The following UBE3B variants were observed in gnomAD, a reference collection of about 807,000 sequenced individuals.
UBE3B encodes ubiquitin-protein ligase E3B.
A neutral mutation model predicts 132.3 loss-of-function variants in UBE3B; 80 were observed. That is an observed-to-expected ratio of 0.60 (90% confidence interval 0.50 to 0.73). The LOEUF (loss-of-function observed/expected upper bound fraction) is 0.73, where lower values mean the gene tolerates loss of function less well. Among genes scored for constraint, UBE3B ranks in the 30% least tolerant of loss-of-function variants. The pLI, the probability that UBE3B is intolerant of heterozygous loss-of-function variation, is 0.00. For synonymous variants in UBE3B, 487 were observed against 520.4 expected, an observed-to-expected ratio of 0.94 and a Z score of 0.87; for missense variants, 1,196 against 1,362.5, an observed-to-expected ratio of 0.88 and a Z score of 1.92.
Position 109,534,458 on chromosome 12 carries a change from A to G in UBE3B, c.3016-133A>G, listed in dbSNP as rs1231413383. On this transcript the variant is annotated intron_variant, in intron 27 of 27. Coordinates refer to ENST00000342494, the MANE Select transcript of UBE3B (RefSeq NM_130466.4). This position sits in a 1 kb window ranked among gnomAD's most constrained non-coding sequence, Gnocchi z 5.2. The stretch of plus-strand genomic sequence containing the variant: ...GGGCTTGACCTCGGGTAGTGGTGCC[A>G]GGGCAGCGCCCTGCACTCTGCCCAG... The G allele has an allele frequency of 1.4e-6, 2 of 1,443,832 alleles. No homozygotes were observed. Among genetic ancestry groups the G allele is most frequent in the Non-Finnish European group, 1.8e-6 (2 of 1,101,024 alleles). The allele number at this position is 1,443,832 out of a possible 1,614,324, so 89.4% of individuals were successfully genotyped here. A position where few individuals can be genotyped will look rare whatever the true frequency, so the allele number is the denominator to read the frequency against.
Position 109,530,246 on chromosome 12 carries a change from A to C in UBE3B, c.2810+174A>C, listed in dbSNP as rs111785749. ...AAAGCTTGACCACTTGTCTGCCTAGAGATTAAGAAGTGGAAGCAGGCCTGA... is the reference window on the plus strand; with the variant it reads ...AAAGCTTGACCACTTGTCTGCCTAGCGATTAAGAAGTGGAAGCAGGCCTGA... On this transcript the variant is annotated intron_variant, in intron 25 of 27. Coordinates refer to ENST00000342494, the MANE Select transcript of UBE3B (RefSeq NM_130466.4). Among the ~76,000 whole-genome samples the C allele has an allele frequency of 4.5e-3, 686 of 152,256 alleles. 3 individuals are homozygous for C. Among genetic ancestry groups the C allele is most frequent in the Non-Finnish European group, 7.9e-3 (536 of 68,014 alleles).
chr12:109,501,033 C>G (rs1878914651), intron 12 of UBE3B, among the ~76,000 whole-genome samples: 1 of 152,126 alleles, frequency 6.6e-6, no homozygotes, highest in African/African-American at 2.4e-5. Flanking sequence ...TTTGGCCCCC[C>G]ACCACCTGCA....
intron 27 of UBE3B, 99 bp downstream of exon 27, chr12:109,533,657 C>A: frequency 2.5e-6 from 3 of 1,208,360 alleles, no homozygotes; most frequent in Non-Finnish European, 2.4e-6. Flanking sequence ...CATATCTCAG[C>A]AAGGCAGGCA....
chr12:109,524,674 C>T (rs1024124417), intron 23 of UBE3B, among the ~76,000 whole-genome samples, 171 bp downstream of exon 23: 6 of 152,170 alleles, frequency 3.9e-5, no homozygotes, highest in Non-Finnish European at 8.8e-5. Flanking sequence ...GGAGGGCCCC[C>T]TCCTTTCCTT....
At chr12:109,503,487 A>G (rs534917122) in intron 14 of UBE3B, among the ~76,000 whole-genome samples, 1 of 147,112 alleles carries the variant, frequency 6.8e-6, no homozygotes, top group East Asian at 2.0e-4. Context: ...ATAGGGTTGC[A>G]AAAAAAAAAG....
At chr12:109,540,519 A>G (rs1198648805), downstream of UBE3B, among the ~76,000 whole-genome samples, 2 of 152,110 alleles carry the variant, frequency 1.3e-5, no homozygotes, top group Non-Finnish European at 2.9e-5. Context: ...CGGGCCCCCT[A>G]TGTGCAGGGT....
intron 14 of UBE3B, among the ~76,000 whole-genome samples, chr12:109,505,334 G>A (rs920943905): frequency 2.0e-5 from 3 of 152,250 alleles, no homozygotes; most frequent in African/African-American, 7.2e-5. Context: ...GCTCTGCCAG[G>A]CCCAGTGTCT....
At chr12:109,498,986 C>T (rs566126428) in intron 11 of UBE3B, among the ~76,000 whole-genome samples, 3 of 151,966 alleles carry the variant, frequency 2.0e-5, no homozygotes, top group East Asian at 3.9e-4. Flanking sequence ...CTACCACGGC[C>T]GACTAATTTT....
intron 22 of UBE3B, 83 bp downstream of exon 22, chr12:109,524,198 C>T: frequency 6.4e-7 from 1 of 1,573,032 alleles, no homozygotes; most frequent in Non-Finnish European, 8.7e-7. Context: ...GATGGCCTGT[C>T]CTCTCTTATT....
chr12:109,506,727 T>C (rs1879738973), intron 14 of UBE3B, among the ~76,000 whole-genome samples: 1 of 152,242 alleles, frequency 6.6e-6, no homozygotes, highest in African/African-American at 2.4e-5. Flanking sequence ...TGTAACAGTG[T>C]TAGACTAAAT....
At chr12:109,502,564 A>G (rs1006630430) in intron 13 of UBE3B, among the ~76,000 whole-genome samples, 5 of 152,214 alleles carry the variant, frequency 3.3e-5, no homozygotes, top group African/African-American at 1.2e-4. Context: ...CAGGATATCA[A>G]TGGGAAGGTT....
Position 109,511,272 on chromosome 12 carries a change from A to G in UBE3B, c.1925A>G (p.Gln642Arg), listed in dbSNP as rs1880338752. The change falls in exon 18 of 28, where the codon CAG (glutamine) becomes CGG (arginine). Residue 642 changes from glutamine (Q) to arginine (R), a missense_variant. Transcript: ENST00000342494. The part of the protein sequence containing the change: ...RDRKRAQLIL[Q>R]YIPHVIPHKN... The stretch of plus-strand genomic sequence containing the variant: ...AGAAAACGGGCACAGTTGATCCTGC[A>G]GTACATCCCACATGTCATCCCTCAC... 1 of 1,614,200 alleles carries G rather than the reference A, an allele frequency of 6.2e-7. No individual in the cohort carries two copies. Among genetic ancestry groups the G allele is most frequent in the Non-Finnish European group, 8.5e-7 (1 of 1,180,012 alleles).
In UBE3B at chr12:109,515,810, G is replaced by C. The variant is rs536563176; in HGVS notation, c.1957-955G>C. On this transcript the variant is annotated intron_variant, in intron 18 of 27. Coordinates refer to ENST00000342494, the MANE Select transcript of UBE3B (RefSeq NM_130466.4). ...ATTAGGGTGCTGATTCTTGAGCCCA[G>C]GATGGGGCAAAGAGTCATGCTCTTT... Among the ~76,000 whole-genome samples, 15 of 152,312 alleles carry C rather than the reference G, an allele frequency of 9.8e-5. 1 individual carries two copies. Among genetic ancestry groups the C allele is most frequent in the African/African-American group, 3.6e-4 (15 of 41,566 alleles).
In UBE3B at chr12:109,478,009, G is replaced by A. The variant is rs1399755167; in HGVS notation, c.-228G>A. 2 of 152,602 alleles carry A rather than the reference G, an allele frequency of 1.3e-5. No homozygotes were observed. Among genetic ancestry groups the A allele is most frequent in the South Asian group, 2.0e-4 (1 of 4,942 alleles). The allele number at this position is 152,602 out of a possible 1,614,324, so 9.5% of individuals were successfully genotyped here. On this transcript the variant is annotated 5_prime_UTR_variant, in exon 1 of 28. It adds an upstream start codon to the 5' untranslated region. Transcript: ENST00000342494. The stretch of plus-strand genomic sequence containing the variant: ...GCCTTTATAAACGGACTAATGCTGG[G>A]TGATTTGTTCCTGTGGTTGTTGATG...
the UBE3B span, among the ~76,000 whole-genome samples, chr12:109,545,507 C>T: frequency 6.6e-6 from 1 of 152,242 alleles, no homozygotes; most frequent in African/African-American, 2.4e-5. Flanking sequence ...GATGCCCACT[C>T]AAGTGGGGAA....
chr12:109,530,728 A>T, intron 26 of UBE3B, 70 bp downstream of exon 26: 1 of 1,451,180 alleles, frequency 6.9e-7, no homozygotes, highest in Non-Finnish European at 9.6e-7. Flanking sequence ...TGATGTAATA[A>T]TTTACGCTGA....
At chr12:109,515,875 G>A (rs1025504655) in intron 18 of UBE3B, among the ~76,000 whole-genome samples, 4 of 152,118 alleles carry the variant, frequency 2.6e-5, no homozygotes, top group African/African-American at 7.2e-5. Context: ...AAGGAGAGAG[G>A]GTTCCTTTCA....
chr12:109,484,187 A>T (rs1026058228), intron 4 of UBE3B, among the ~76,000 whole-genome samples: 1 of 152,250 alleles, frequency 6.6e-6, no homozygotes, highest in African/African-American at 2.4e-5. Context: ...TATAAGCACA[A>T]GTTGAACTCA....
At chr12:109,523,881 G>A in intron 21 of UBE3B, 97 bp from the exon 22 acceptor site, 1 of 1,530,244 alleles carries the variant, frequency 6.5e-7, no homozygotes, top group Non-Finnish European at 8.8e-7. Flanking sequence ...AAATGCCGAT[G>A]GCACCCCTGG....
Sources: gnomAD v4.1 joint callset for allele counts (sites outside exome capture counted in the v4.1 genomes callset) on GRCh38, gnomAD v4.1.1 for gene constraint, Gnocchi (gnomAD v3.1) non-coding constraint, MANE v1.5 for transcripts, NCBI Gene and HGNC (gene_info 2026-07-23, HGNC 2026-07-21) for gene names.